ADH1B: variants seen among roughly 807,000 people sequenced by gnomAD.
ADH1B encodes alcohol dehydrogenase 1B (class I), beta polypeptide, also known as all-trans-retinol dehydrogenase [NAD(+)] ADH1B.
ADH1B carries 29 observed loss-of-function variants against 34.6 expected under a neutral mutation model. The ratio of observed to expected loss-of-function variants is 0.84; its 90% confidence interval spans 0.62 to 1.14. The LOEUF is 1.14. Among genes scored for constraint, ADH1B ranks in the 50% most tolerant of loss-of-function variants. ADH1B has a pLI of 0.00. For synonymous variants in ADH1B, 170 were observed against 175.5 expected (o/e 0.97, Z 0.25); for missense variants, 424 against 468.4 (o/e 0.91, Z 0.87).
intron 5 of ADH1B, chr4:99,314,361 T>C (rs749356011): frequency 1.9e-5 from 9 of 474,076 alleles, no homozygotes; most frequent in Non-Finnish European, 2.9e-5. Context: ...ATGAGGAATC[T>C]CTGCAGGTGG....
At chr4:99,318,005 G>A in intron 3 of ADH1B, 41 bp downstream of exon 3, 1 of 1,607,844 alleles carries the variant, frequency 6.2e-7, no homozygotes, top group Non-Finnish European at 8.5e-7. Flanking sequence ...GGAAATCCTG[G>A]ATGGTGAACC....
At chr4:99,313,636 TG>T in intron 6 of ADH1B, 184 bp downstream of exon 6, 1 of 1,101,360 alleles carries the variant, frequency 9.1e-7, no homozygotes, top group Non-Finnish European at 1.3e-6. Flanking sequence ...GAGACAGGTT[TG>T]GGTAATTGAT....
At position 99,307,635 on chromosome 4, in the gene ADH1B, A is replaced by G. The variant is rs1320354956; in HGVS notation, c.*205T>C. 1 of 668,200 alleles carries G rather than the reference A, an allele frequency of 1.5e-6. No homozygotes were observed. The highest frequency in any genetic ancestry group is 2.9e-5 in the Admixed American group (1 of 33,974). The allele number at this position is 668,200 out of a possible 1,614,324, so 41.4% of individuals were successfully genotyped here. A position where few individuals can be genotyped will look rare whatever the true frequency, so the allele number is the denominator to read the frequency against. On this transcript the variant is annotated 3_prime_UTR_variant, in exon 9 of 9. Transcript: ENST00000305046. ...GCTTCAATTCCCCAGCTGATGTTCA[A>G]CACTTTATTTACTTCTCACTTGAAT...
intron 1 of ADH1B, chr4:99,319,351 C>T (rs537667207): frequency 5.8e-6 from 1 of 173,462 alleles, no homozygotes; most frequent in South Asian, 1.3e-4. Context: ...AGCAATTATA[C>T]ATTTACCTTC....
chr4:99,315,700 A>G, intron 5 of ADH1B, 198 bp downstream of exon 5: 1 of 666,006 alleles, frequency 1.5e-6, no homozygotes, highest in Non-Finnish European at 2.5e-6. Flanking sequence ...TGACATCTTT[A>G]TTCGTAACAA....
At position 99,313,940 on chromosome 4, in the gene ADH1B, C is replaced by A; in HGVS notation, c.709G>T (p.Gly237Cys). ...KDKFAKAKEL[G>C]ATECINPQDY... Reference sequence around the variant, plus strand: ...TGAGGGTTGATGCATTCAGTGGCACCCAACTCTTTGGCCTTTGCAAATTTG... The same window carrying A: ...TGAGGGTTGATGCATTCAGTGGCACACAACTCTTTGGCCTTTGCAAATTTG... Residue 237 changes from glycine (G) to cysteine (C), a missense_variant, in exon 6 of 9, where the codon GGT becomes TGT. Coordinates refer to ENST00000305046, the MANE Select transcript of ADH1B (RefSeq NM_000668.6). 1.9e-6 allele frequency: 3 copies of A among 1,614,098 alleles called. No homozygotes were observed. The highest frequency in any genetic ancestry group is 2.5e-6 in the Non-Finnish European group (3 of 1,180,022).
At chr4:99,318,694 T>C in intron 2 of ADH1B, 91 bp downstream of exon 2, 1 of 1,173,224 alleles carries the variant, frequency 8.5e-7, no homozygotes, top group Admixed American at 2.3e-5. Context: ...ATATAAGATA[T>C]GCCTCTTAGT....
chr4:99,311,730 T>G (rs1733759888), intron 6 of ADH1B, 74 bp from the exon 7 acceptor site: 1 of 1,565,882 alleles, frequency 6.4e-7, no homozygotes, highest in African/African-American at 1.3e-5. Context: ...CAATATCATG[T>G]AATAGGCTTA....
rs1242926126 is a variant in ADH1B at position 99,311,705 on chromosome 4, C to A, written c.829-49G>T. The A allele has an allele frequency of 2.5e-6, 4 of 1,603,816 alleles. No homozygotes were observed. In the African/African-American group the frequency reaches 4.0e-5, roughly 16 times the overall value. On this transcript the variant is annotated intron_variant, in intron 6 of 8. Coordinates refer to ENST00000305046, the MANE Select transcript of ADH1B (RefSeq NM_000668.6). Reference sequence around the variant, plus strand: ...ATCCTTAACGTGGAGTCGCATAGTTCCTACTCATAATGCACAATATCATGT... The same window carrying A: ...ATCCTTAACGTGGAGTCGCATAGTTACTACTCATAATGCACAATATCATGT...
rs1733736827 is a variant in ADH1B at position 99,310,866 on chromosome 4, A to T, written c.1002T>A (p.Ala334=). The change falls in exon 8 of 9, where the codon GCT becomes GCA. Residue 334 remains alanine (A), a synonymous_variant. Transcript: ENST00000305046. The stretch of plus-strand genomic sequence containing the variant: ...GTGAAAACTTCTTAGCCATAAAATC[A>T]GCCACAAGTTTTGGGATACCTTCTT... ...KSKEGIPKLV[A]DFMAKKFSLD... 6.2e-7 allele frequency: 1 copy of T among 1,613,420 alleles called. No individual in the cohort carries two copies. Among genetic ancestry groups the T allele is most frequent in the Non-Finnish European group, 8.5e-7 (1 of 1,179,690 alleles).
rs1025387861 is a variant in ADH1B at position 99,310,898 on chromosome 4, T to C, written c.970A>G (p.Lys324Glu). The change falls in exon 8 of 9, where the codon AAG becomes GAG. Residue 324 changes from lysine (K) to glutamate (E), a missense_variant. Lys to Glu is a moderately conservative substitution (Grantham distance 56, BLOSUM62 1). This residue lies in a region of ADH1B where 130 missense variants were observed against 151.8 expected (regional missense o/e 0.86). Transcript: ENST00000305046. Reference protein sequence around the residue: ...TWKGAVYGGFKSKEGIPKLVA... With the variant: ...TWKGAVYGGFESKEGIPKLVA... ...AGTTTTGGGATACCTTCTTTACTCT[T>C]AAAGCCTGAAAAGAAGACAGTATCA... The C allele has an allele frequency of 6.2e-7, 1 of 1,612,464 alleles. No individual in the cohort carries two copies. The highest frequency in any genetic ancestry group is 1.3e-5 in the African/African-American group (1 of 74,810).
At position 99,311,564 on chromosome 4, in the gene ADH1B, C is replaced by G. The variant is rs535570055; in HGVS notation, c.921G>C (p.Met307Ile). 6.2e-7 allele frequency: 1 copy of G among 1,614,026 alleles called. No homozygotes were observed. Among genetic ancestry groups the G allele is most frequent in the Admixed American group, 1.7e-5 (1 of 60,000 alleles). The stretch of plus-strand genomic sequence containing the variant: ...TCCAGGTGCGTCCAGTCAGTAGCAG[C>G]ATAGGGTTTATTGAGAGGTTCTGGG... ...PASQNLSINPMLLLTGRTWKG... is the reference protein window; with the variant it reads ...PASQNLSINPILLLTGRTWKG... The change falls in exon 7 of 9, where the codon ATG (methionine) becomes ATC (isoleucine). Residue 307 changes from methionine (M) to isoleucine (I), a missense_variant. Transcript: ENST00000305046.
intron 8 of ADH1B, among the ~76,000 whole-genome samples, chr4:99,309,271 A>AT (rs1326500791): frequency 6.6e-6 from 1 of 152,080 alleles, no homozygotes; most frequent in Non-Finnish European, 1.5e-5. Context: ...GGATTCAGTT[A>AT]TTTTTTAAAG....
Position 99,305,336 on chromosome 4 carries a change from T to C in ADH1B, c.*2504A>G, listed in dbSNP as rs1733574788. 1 of 150,856 alleles carries C rather than the reference T, an allele frequency of 6.6e-6. No homozygotes were observed. Among genetic ancestry groups the C allele is most frequent in the Non-Finnish European group, 1.5e-5 (1 of 67,794 alleles). 9.3% of individuals were successfully genotyped at this position (150,856 alleles called of 1,614,324 possible). ...CCACTTTATTTGTTTTCATATATCATGAGAAGTCAAAGAATCAAAGCAATA... is the reference window on the plus strand; with the variant it reads ...CCACTTTATTTGTTTTCATATATCACGAGAAGTCAAAGAATCAAAGCAATA... On this transcript the variant is annotated 3_prime_UTR_variant, in exon 9 of 9. Coordinates refer to ENST00000305046, the MANE Select transcript of ADH1B (RefSeq NM_000668.6).
chr4:99,313,727 A>AAATATCCTT lies in ADH1B; in HGVS notation c.828+85_828+93dup, dbSNP rs1733806977. 4 of 1,589,338 alleles carry AAATATCCTT rather than the reference A, an allele frequency of 2.5e-6. No individual in the cohort carries two copies. The South Asian group carries it at 4.6e-5, about 18-fold the overall frequency. ...ATGGGAAATTTCCATTCATCATTAA[A>AAATATCCTT]AATATCCTTTATACATAAAACATAT... is the stretch of plus-strand genomic sequence containing the variant. On this transcript the variant is annotated intron_variant, in intron 6 of 8. Transcript: ENST00000305046.
At chr4:99,321,274 A>T in intron 1 of ADH1B, 40 bp downstream of exon 1, 1 of 1,547,028 alleles carries the variant, frequency 6.5e-7, no homozygotes, top group Non-Finnish European at 8.9e-7. Flanking sequence ...TGTTATATTG[A>T]TGAGAATATA....
intron 7 of ADH1B, among the ~76,000 whole-genome samples, 169 bp downstream of exon 7, chr4:99,311,352 C>A (rs566101305): frequency 2.0e-5 from 3 of 152,032 alleles, no homozygotes; most frequent in African/African-American, 7.2e-5. Flanking sequence ...AGTTCCATAT[C>A]TAGTTGATTT....
rs1733929890 is a variant in ADH1B at position 99,318,084 on chromosome 4, A to G, written c.221T>C (p.Val74Ala). The G allele has an allele frequency of 6.2e-7, 1 of 1,613,932 alleles. No individual in the cohort carries two copies. The highest frequency in any genetic ancestry group is 8.5e-7 in the Non-Finnish European group (1 of 1,179,988). The part of the protein sequence containing the change: ...VILGHEAAGI[V>A]ESVGEGVTTV... ...AGTCACCCCTTCTCCAACACTCTCC[A>G]CGATGCCGGCTGCCTCATGGCCTAA... The change falls in exon 3 of 9, where the codon GTG becomes GCG. Residue 74 changes from valine to alanine, a missense_variant. By Grantham distance (64) the Val-to-Ala change is moderately conservative. Around this residue, in one of 3 missense-constraint regions of ADH1B, gnomAD observed 291 missense variants for 300.4 expected, o/e 0.97. Coordinates refer to ENST00000305046, the MANE Select transcript of ADH1B (RefSeq NM_000668.6).
intron 3 of ADH1B, chr4:99,317,650 C>T (rs1482981057): frequency 5.2e-6 from 1 of 190,816 alleles, no homozygotes. Flanking sequence ...ACAGTTTCCA[C>T]ATTTACTTTT....
Sources: allele counts gnomAD v4.1 joint callset (sites outside exome capture counted in the v4.1 genomes callset), GRCh38; gene constraint gnomAD v4.1.1; regional missense constraint gnomAD v4.1.1; transcripts MANE v1.5; gene names NCBI Gene and HGNC (gene_info 2026-07-23, HGNC 2026-07-21).